CSMD3: variants seen among roughly 807,000 people sequenced by gnomAD.
CSMD3 encodes CUB and Sushi multiple domains 3, also known as CUB and sushi domain-containing protein 3.
A neutral mutation model predicts 435.2 loss-of-function variants in CSMD3; 177 were observed. The ratio of observed to expected loss-of-function variants is 0.41; its 90% CI spans 0.36 to 0.46. The LOEUF (loss-of-function observed/expected upper bound fraction) is 0.46, where lower values mean the gene tolerates loss of function less well. Among genes scored for constraint, CSMD3 ranks in the 20% least tolerant of loss-of-function variants. CSMD3 has a pLI of 0.34. For synonymous variants in CSMD3, 1,656 were observed against 1,520.5 expected (o/e 1.09, Z -2.07); for missense variants, 4,265 against 4,504.6 (o/e 0.95, Z 1.52).
At chr8:113,372,662 G>A (rs572263165) in intron 1 of CSMD3, among the ~76,000 whole-genome samples, 2 of 152,218 alleles carry the variant, frequency 1.3e-5, no homozygotes, top group South Asian at 2.1e-4. Flanking sequence ...GGCCGGGCGC[G>A]GTGGCTCACG....
intron 4 of CSMD3, among the ~76,000 whole-genome samples, chr8:113,101,460 T>C (rs2090327943): frequency 2.0e-5 from 3 of 152,024 alleles, no homozygotes; most frequent in Admixed American, 1.3e-4. Flanking sequence ...TATCCATCAT[T>C]TTAATAATAA....
chr8:112,379,535 T>C (rs1430487965), intron 38 of CSMD3, among the ~76,000 whole-genome samples: 2 of 151,978 alleles, frequency 1.3e-5, no homozygotes, highest in African/African-American at 4.8e-5. Context: ...AAGACACAAA[T>C]AAATAGAAAT....
chr8:112,982,459 C>A (rs1008333490), intron 6 of CSMD3, among the ~76,000 whole-genome samples: 3 of 151,900 alleles, frequency 2.0e-5, no homozygotes, highest in African/African-American at 7.2e-5. Flanking sequence ...TGTTGAGACA[C>A]CTGTCATCTC....
chr8:113,236,920 A>T (rs2093157411), intron 3 of CSMD3, among the ~76,000 whole-genome samples: 1 of 152,122 alleles, frequency 6.6e-6, no homozygotes, highest in South Asian at 2.1e-4. Flanking sequence ...ACAATGCCAA[A>T]CCAATAAGAG....
intron 1 of CSMD3, among the ~76,000 whole-genome samples, chr8:113,419,837 A>C (rs922276483): frequency 4.6e-5 from 7 of 152,068 alleles, no homozygotes; most frequent in Non-Finnish European, 8.8e-5. Flanking sequence ...TGTAGAGATC[A>C]TCATTTAACT....
At chr8:112,254,797 G>A (rs1224116404) in intron 62 of CSMD3, among the ~76,000 whole-genome samples, 2 of 152,060 alleles carry the variant, frequency 1.3e-5, no homozygotes, top group Non-Finnish European at 2.9e-5. Context: ...GTAGGTAGAT[G>A]TGTCGGTTTA....
intron 37 of CSMD3, among the ~76,000 whole-genome samples, chr8:112,381,135 AT>A (rs1301599088): frequency 1.3e-5 from 2 of 152,194 alleles, no homozygotes; most frequent in African/African-American, 4.8e-5. Context: ...TTTCCTTTTA[AT>A]AATGAATTAA....
chr8:113,330,471 A>T (rs1303201396), intron 1 of CSMD3, among the ~76,000 whole-genome samples: 1 of 152,024 alleles, frequency 6.6e-6, no homozygotes, highest in African/African-American at 2.4e-5. Flanking sequence ...CAGTAATAAC[A>T]TCAAATATAA....
At chr8:113,164,442 A>T (rs1362905418) in intron 4 of CSMD3, among the ~76,000 whole-genome samples, 2 of 151,788 alleles carry the variant, frequency 1.3e-5, no homozygotes, top group African/African-American at 4.8e-5. Context: ...AAGAAAAAAA[A>T]ACAATTCCTC....
In CSMD3 at chr8:113,314,711, A is replaced by G; in HGVS notation, c.261T>C (p.Asn87=). Reference sequence around the variant, plus strand: ...TTATTACCCATGTGCAGTTTGCACCATTTGGATATCCATATGGAAAACCAG... The same window carrying G: ...TTATTACCCATGTGCAGTTTGCACCGTTTGGATATCCATATGGAAAACCAG... The part of the protein sequence containing the change: ...ESPGFPYGYP[N]GANCTWVIIA... Residue 87 remains asparagine, a synonymous_variant, in exon 2 of 71, where the codon AAT becomes AAC. Transcript: ENST00000297405. 6.2e-7 allele frequency: 1 copy of G among 1,613,120 alleles called. No homozygotes were observed. Among genetic ancestry groups the G allele is most frequent in the Non-Finnish European group, 8.5e-7 (1 of 1,179,318 alleles).
chr8:112,317,456 T>G (rs1242414074), intron 47 of CSMD3, among the ~76,000 whole-genome samples: 1 of 151,960 alleles, frequency 6.6e-6, no homozygotes. Context: ...TCTGCTCAAC[T>G]TTTTTTCCCA....
chr8:112,782,746 C>G (rs1049430961), intron 13 of CSMD3, among the ~76,000 whole-genome samples: 4 of 151,904 alleles, frequency 2.6e-5, no homozygotes, highest in Non-Finnish European at 5.9e-5. Flanking sequence ...TGCCTGGAAT[C>G]AGATTTTTCA....
intron 22 of CSMD3, among the ~76,000 whole-genome samples, chr8:112,610,196 A>G (rs1485155193): frequency 1.3e-5 from 2 of 152,130 alleles, no homozygotes; most frequent in Non-Finnish European, 2.9e-5. Flanking sequence ...CAGTGTAACT[A>G]TGTGAGGGGA....
At chr8:112,509,737 C>T (rs1361446416) in intron 28 of CSMD3, among the ~76,000 whole-genome samples, 3 of 152,040 alleles carry the variant, frequency 2.0e-5, no homozygotes, top group Admixed American at 2.0e-4. Flanking sequence ...TCCTAAGTTC[C>T]TTACATGGTT....
At chr8:112,769,671 A>G (rs2078063854) in intron 13 of CSMD3, among the ~76,000 whole-genome samples, 1 of 151,974 alleles carries the variant, frequency 6.6e-6, no homozygotes, top group African/African-American at 2.4e-5. Context: ...CACTTTTAGA[A>G]ATATTTTATT....
rs1164303612 is a variant in CSMD3, at chr8:112,518,345, TAA to T, written c.4565-1122_4565-1121del. Among the ~76,000 whole-genome samples the T allele has an allele frequency of 2.8e-5, 4 of 142,518 alleles. 1 individual carries two copies. The highest frequency in any genetic ancestry group is 2.1e-4 in the Admixed American group (3 of 14,282). 93.5% of individuals were successfully genotyped at this position (142,518 alleles called of 152,430 possible). On this transcript the variant is annotated intron_variant, in intron 27 of 70. Transcript: ENST00000297405. ...GTGAGACTCTGTCTCTAGAAAAAATTAAAAAAAAAAAAATTAGCCCAGCATGG... is the reference window on the plus strand; with the variant it reads ...GTGAGACTCTGTCTCTAGAAAAAATTAAAAAAAAAAATTAGCCCAGCATGG...
rs2075523948 is a variant in CSMD3 at position 112,666,307 on chromosome 8, G to C, written c.2786C>G (p.Pro929Arg). ...LNCEWVIEAE[P>R]GHSIKITFER... ...AAATGTAATTTTGATAGAGTGTCCA[G>C]GTTCAGCTTCAATCACCCACTCACA... Residue 929 changes from proline (P) to arginine (R), a missense_variant, in exon 17 of 71, where the codon CCT becomes CGT. Pro to Arg is a moderately radical substitution (Grantham distance 103). This residue lies in a region of CSMD3 where 3,255 missense variants were observed against 3,380.2 expected (regional missense o/e 0.96). Transcript: ENST00000297405. The C allele has an allele frequency of 2.5e-6, 4 of 1,611,944 alleles. No individual in the cohort carries two copies. The highest frequency in any genetic ancestry group is 2.5e-6 in the Non-Finnish European group (3 of 1,178,698).
intron 11 of CSMD3, among the ~76,000 whole-genome samples, chr8:112,853,510 G>A (rs1453920674): frequency 1.3e-5 from 2 of 152,166 alleles, no homozygotes; most frequent in African/African-American, 4.8e-5. Flanking sequence ...ACCGGTGTGA[G>A]CCACCACACC....
chr8:112,686,600 C>G (rs751375492), intron 14 of CSMD3, among the ~76,000 whole-genome samples: 1 of 151,734 alleles, frequency 6.6e-6, no homozygotes, highest in Non-Finnish European at 1.5e-5. Flanking sequence ...GATTCTCCCA[C>G]CTCAGCTTCC....
Sources: gnomAD v4.1 joint callset for allele counts (sites outside exome capture counted in the v4.1 genomes callset) on GRCh38, gnomAD v4.1.1 for gene constraint, gnomAD v4.1.1 regional missense constraint, MANE v1.5 for transcripts, NCBI Gene and HGNC (gene_info 2026-07-23, HGNC 2026-07-21) for gene names.